Variants in PTK2 observed in about 807,000 individuals in gnomAD.
PTK2 encodes the protein focal adhesion kinase 1.
In PTK2, 45 loss-of-function variants were observed where a neutral mutation model predicts 150.1. The ratio of observed to expected loss-of-function variants is 0.30; its 90% CI spans 0.24 to 0.38. The LOEUF is 0.38. PTK2 is among the 10% of genes least tolerant of loss of function. PTK2 has a pLI of 1.00. For missense variants in PTK2, 919 were observed against 1,307.3 expected, an observed-to-expected ratio of 0.70 and a Z score of 4.58; for synonymous variants, 432 against 449.2, an observed-to-expected ratio of 0.96 and a Z score of 0.48.
At chr8:140,732,224 T>C (rs1203452436) in intron 22 of PTK2, among the ~76,000 whole-genome samples, 1 of 152,226 alleles carries the variant, frequency 6.6e-6, no homozygotes, top group African/African-American at 2.4e-5. Context: ...TTTTATAATA[T>C]AAAATGGTGG....
intron 2 of PTK2, among the ~76,000 whole-genome samples, chr8:140,904,913 C>T (rs1053740448): frequency 2.0e-5 from 3 of 151,926 alleles, no homozygotes; most frequent in East Asian, 1.9e-4. Flanking sequence ...GTCTGGCTAG[C>T]GGTCTATTTT....
At chr8:140,729,021 T>TGTTCC (rs1790123069) in intron 22 of PTK2, among the ~76,000 whole-genome samples, 1 of 152,054 alleles carries the variant, frequency 6.6e-6, no homozygotes, top group South Asian at 2.1e-4. Flanking sequence ...AAATAGTTTG[T>TGTTCC]GTTCCTTAGA....
intron 26 of PTK2, among the ~76,000 whole-genome samples, chr8:140,693,578 A>ATT (rs1564497556): frequency 2.3e-4 from 29 of 125,412 alleles, no homozygotes; most frequent in Non-Finnish European, 4.2e-4. Context: ...AAAAAAAAAA[A>ATT]AAAAAAAAAA....
chr8:140,938,528 C>T (rs1211152858), intron 1 of PTK2, among the ~76,000 whole-genome samples: 1 of 152,184 alleles, frequency 6.6e-6, no homozygotes, highest in Non-Finnish European at 1.5e-5. Context: ...AGACTGATCA[C>T]CCTGGTGTTT....
intron 1 of PTK2, among the ~76,000 whole-genome samples, chr8:140,955,656 A>C (rs2100180954): frequency 6.6e-6 from 1 of 152,238 alleles, no homozygotes; most frequent in Admixed American, 6.5e-5. Flanking sequence ...CAAACAGGAA[A>C]ACAGAAAAAC....
chr8:140,827,608 A>G (rs930263677), intron 8 of PTK2, among the ~76,000 whole-genome samples: 4 of 152,158 alleles, frequency 2.6e-5, no homozygotes, highest in Non-Finnish European at 4.4e-5. Context: ...TAGCTTTTCA[A>G]TTCTACTATC....
At chr8:140,797,473 C>T (rs2100092390) in intron 12 of PTK2, among the ~76,000 whole-genome samples, 1 of 152,090 alleles carries the variant, frequency 6.6e-6, no homozygotes, top group Admixed American at 6.6e-5. Context: ...TTAAATGTAA[C>T]AGTTCTATTT....
intron 2 of PTK2, among the ~76,000 whole-genome samples, chr8:140,897,820 G>T (rs1397003916): frequency 6.6e-6 from 1 of 152,086 alleles, no homozygotes; most frequent in African/African-American, 2.4e-5. Flanking sequence ...GTCTCTAAAT[G>T]AAAAAAGTCT....
At chr8:140,711,983 G>A (rs2100037100) in intron 23 of PTK2, among the ~76,000 whole-genome samples, 1 of 152,060 alleles carries the variant, frequency 6.6e-6, no homozygotes, top group Non-Finnish European at 1.5e-5. Context: ...ATGCCGTGCT[G>A]GGTTTGATTA....
Position 140,805,569 on chromosome 8 carries a change from A to AG in PTK2, c.868-1920dup, listed in dbSNP as rs368835609. Among the ~76,000 whole-genome samples the AG allele has an allele frequency of 4.3e-3, 648 of 151,054 alleles. 3 individuals carry two copies. The highest frequency in any genetic ancestry group is 0.015 in the African/African-American group (609 of 41,154). On this transcript the variant is annotated intron_variant, in intron 10 of 31. Coordinates refer to ENST00000522684, the Ensembl canonical transcript of PTK2. ...CTGTCTCAAAAAAAAAAAAAAGAAG[A>AG]GAAAAAAAAGATCATATTCAACAAG...
chr8:140,994,830 T>C (rs181077396), intron 1 of PTK2, among the ~76,000 whole-genome samples: 1 of 152,218 alleles, frequency 6.6e-6, no homozygotes, highest in Admixed American at 6.5e-5. Context: ...ATTAGAACAA[T>C]TACTAATTCT....
At chr8:140,680,544 A>C (rs10103745) in intron 27 of PTK2, among the ~76,000 whole-genome samples, 57,904 of 152,046 alleles carry the variant, frequency 0.38, 12,713 homozygotes, top group Non-Finnish European at 0.49. Flanking sequence ...TTGATTAACA[A>C]ATTTACATTT....
intron 13 of PTK2, 48 bp downstream of exon 13, chr8:140,793,306 A>G: frequency 3.2e-6 from 5 of 1,581,932 alleles, no homozygotes; most frequent in Non-Finnish European, 4.3e-6. Context: ...AAATTTCCTT[A>G]AACTTTCCAA....
intron 1 of PTK2, among the ~76,000 whole-genome samples, chr8:140,931,136 G>A (rs1210061054): frequency 6.6e-6 from 1 of 151,412 alleles, no homozygotes; most frequent in Non-Finnish European, 1.5e-5. Flanking sequence ...AAATTCACAT[G>A]GATATGCAAT....
chr8:140,709,057 C>T (rs1161887740), intron 23 of PTK2, among the ~76,000 whole-genome samples: 1 of 152,012 alleles, frequency 6.6e-6, no homozygotes, highest in East Asian at 1.9e-4. Flanking sequence ...TTGATCACCA[C>T]ATTGCTATGA....
At chr8:140,738,278 A>C (rs1393819443) in intron 21 of PTK2, among the ~76,000 whole-genome samples, 2 of 152,228 alleles carry the variant, frequency 1.3e-5, no homozygotes, top group African/African-American at 4.8e-5. Flanking sequence ...AGAAGGTATC[A>C]GGATAAGGTA....
intron 2 of PTK2, among the ~76,000 whole-genome samples, chr8:140,911,316 A>G (rs990445045): frequency 6.6e-6 from 1 of 152,136 alleles, no homozygotes; most frequent in African/African-American, 2.4e-5. Context: ...TACAACTGTT[A>G]ACCATATTGT....
intron 5 of PTK2, among the ~76,000 whole-genome samples, chr8:140,864,108 T>C (rs2100137875): frequency 6.6e-6 from 1 of 152,218 alleles, no homozygotes; most frequent in African/African-American, 2.4e-5. Context: ...GAAGTTATCT[T>C]TTAAGATTTG....
intron 10 of PTK2, among the ~76,000 whole-genome samples, chr8:140,810,396 C>T (rs968279715): frequency 6.6e-6 from 1 of 152,174 alleles, no homozygotes; most frequent in Non-Finnish European, 1.5e-5. Context: ...CCTGAGCACC[C>T]CTTGGGCTTC....
Sources: allele counts gnomAD v4.1 joint callset (sites outside exome capture counted in the v4.1 genomes callset), GRCh38; gene constraint gnomAD v4.1.1; transcripts MANE v1.5; gene names NCBI Gene and HGNC (gene_info 2026-07-23, HGNC 2026-07-21).